The following CHRM5 variants were observed in gnomAD, a reference collection of about 807,000 sequenced individuals.
CHRM5 encodes the protein cholinergic receptor muscarinic 5, also known as muscarinic acetylcholine receptor M5.
Under a neutral mutation model 39.0 loss-of-function variants are expected in CHRM5, and 18 were observed. The observed-to-expected ratio is 0.46, with a 90% CI of 0.32 to 0.68. The LOEUF (loss-of-function observed/expected upper bound fraction) is 0.68. Among genes scored for constraint, CHRM5 ranks in the 30% least tolerant of loss-of-function variants. The pLI is 0.04. For missense variants in CHRM5, 515 were observed against 651.1 expected (o/e 0.79, Z 2.28); for synonymous variants, 241 against 246.3 (o/e 0.98, Z 0.20).
chr15:34,040,176 A>C (rs575187791), intron 1 of CHRM5, among the ~76,000 whole-genome samples: 13 of 152,316 alleles, frequency 8.5e-5, no homozygotes, highest in Admixed American at 2.0e-4. Flanking sequence ...AAAACAAAAA[A>C]AAAACCTTGC....
intron 1 of CHRM5, among the ~76,000 whole-genome samples, chr15:34,033,140 T>C (rs1016827776): frequency 2.0e-5 from 3 of 152,158 alleles, no homozygotes; most frequent in African/African-American, 7.2e-5. Context: ...CAATAAGTAA[T>C]GTTCATCCAC....
chr15:33,986,778 G>A (rs1353439891), intron 1 of CHRM5, among the ~76,000 whole-genome samples: 5 of 151,244 alleles, frequency 3.3e-5, no homozygotes, highest in Non-Finnish European at 4.4e-5. Context: ...TGTGTCAGCC[G>A]CCCGAGTAGC....
chr15:34,000,403 T>G lies in CHRM5; in HGVS notation c.-408+31253T>G, dbSNP rs141662076. On this transcript the variant is annotated intron_variant, in intron 1 of 2. Coordinates refer to ENST00000383263, the MANE Select transcript of CHRM5 (RefSeq NM_012125.4). ...CTACACTAGATACCATTCAATCAAC[T>G]GGTCACAATTTAAAAGTCCAACAGT... 4.9e-3 allele frequency among the ~76,000 whole-genome samples: 741 copies of G among 152,296 alleles called. 3 individuals are homozygous for G. Among genetic ancestry groups the G allele is most frequent in the African/African-American group, 0.016 (665 of 41,546 alleles).
chr15:33,981,138 G>A (rs1167799084), intron 1 of CHRM5, among the ~76,000 whole-genome samples: 3 of 152,118 alleles, frequency 2.0e-5, no homozygotes, highest in African/African-American at 4.8e-5. Context: ...ATTGTGGAGA[G>A]AAAATATCTG....
chr15:33,995,825 C>G (rs1896908015), intron 1 of CHRM5, among the ~76,000 whole-genome samples: 1 of 152,184 alleles, frequency 6.6e-6, no homozygotes, highest in South Asian at 2.1e-4. Context: ...CTCATTCGGA[C>G]TGGTTGGACA....
At chr15:34,019,703 C>A (rs1188589540) in intron 1 of CHRM5, among the ~76,000 whole-genome samples, 2 of 152,198 alleles carry the variant, frequency 1.3e-5, no homozygotes, top group South Asian at 2.1e-4. Flanking sequence ...TCTACAGTAT[C>A]CAGTACCGTA....
At chr15:34,007,266 A>C (rs1420496392) in intron 1 of CHRM5, among the ~76,000 whole-genome samples, 1 of 152,198 alleles carries the variant, frequency 6.6e-6, no homozygotes, top group East Asian at 1.9e-4. Context: ...TTTTGACCTC[A>C]CCTGCTCTGC....
At chr15:34,008,041 A>T (rs1285206206) in intron 1 of CHRM5, among the ~76,000 whole-genome samples, 7 of 152,110 alleles carry the variant, frequency 4.6e-5, no homozygotes, top group African/African-American at 1.4e-4. Flanking sequence ...ATAAGATCAC[A>T]CTCAGAGGTA....
intron 1 of CHRM5, among the ~76,000 whole-genome samples, chr15:34,005,919 A>G (rs1304470410): frequency 6.6e-6 from 1 of 152,220 alleles, no homozygotes; most frequent in Non-Finnish European, 1.5e-5. Context: ...TGAAAACTAG[A>G]GCATTCCTGC....
intron 1 of CHRM5, among the ~76,000 whole-genome samples, chr15:33,975,102 T>C (rs773734292): frequency 2.0e-5 from 3 of 152,238 alleles, no homozygotes; most frequent in African/African-American, 4.8e-5. Flanking sequence ...TCTGCCCTGG[T>C]TGGGTTGAGA....
At chr15:33,978,920 T>A (rs1896012878) in intron 1 of CHRM5, among the ~76,000 whole-genome samples, 1 of 89,874 alleles carries the variant, frequency 1.1e-5, no homozygotes, top group African/African-American at 2.7e-5. Flanking sequence ...AAGAGATGTA[T>A]GTCCATGCCA....
Position 33,980,448 on chromosome 15 carries a change from G to T in CHRM5, c.-408+11298G>T, listed in dbSNP as rs79175788. Among the ~76,000 whole-genome samples, 1,060 of 152,206 alleles carry T rather than the reference G, an allele frequency of 7.0e-3. 11 individuals are homozygous for T. The highest frequency in any genetic ancestry group is 0.027 in the South Asian group (128 of 4,820). The stretch of plus-strand genomic sequence containing the variant: ...CGTCCCACACATGAACTCTCCAAAC[G>T]TGCTGCCTCCCAGGCAACACGTCCT... On this transcript the variant is annotated intron_variant, in intron 1 of 2. Coordinates refer to ENST00000383263, the MANE Select transcript of CHRM5 (RefSeq NM_012125.4).
chr15:33,983,170 G>GTGTA (rs796742277), intron 1 of CHRM5, among the ~76,000 whole-genome samples: 5 of 126,606 alleles, frequency 3.9e-5, no homozygotes, highest in South Asian at 2.6e-4. Context: ...ATGTGTGTGT[G>GTGTA]TATATATACA....
At chr15:34,002,932 G>GAT in intron 1 of CHRM5, 1 of 1,100,040 alleles carries the variant, frequency 9.1e-7, no homozygotes, top group Non-Finnish European at 1.3e-6. Flanking sequence ...AAGAACAAAG[G>GAT]ATAAATTGCT....
At chr15:33,969,395 T>A (rs776958809) in intron 1 of CHRM5, among the ~76,000 whole-genome samples, 19 of 152,040 alleles carry the variant, frequency 1.2e-4, no homozygotes, top group Non-Finnish European at 2.4e-4. Context: ...TCTTTATTTT[T>A]ATCCCAATTT....
Position 34,065,364 on chromosome 15 carries a change from C to A in CHRM5, c.*1048C>A, listed in dbSNP as rs974818847. Reference sequence around the variant, plus strand: ...TTGCTTTTGAATTTCTTCCAGAGCCCTTTTGCAGCCTCCAATTTCCCTTGT... The same window carrying A: ...TTGCTTTTGAATTTCTTCCAGAGCCATTTTGCAGCCTCCAATTTCCCTTGT... On this transcript the variant is annotated 3_prime_UTR_variant, in exon 3 of 3. Transcript: ENST00000383263. 6 of 152,226 alleles carry A rather than the reference C, an allele frequency of 3.9e-5. No individual in the cohort carries two copies. The highest frequency in any genetic ancestry group is 1.4e-4 in the African/African-American group (6 of 41,462). 9.4% of individuals were successfully genotyped at this position (152,226 alleles called of 1,614,324 possible).
Position 34,007,151 on chromosome 15 carries a change from C to G in CHRM5, c.-408+38001C>G, listed in dbSNP as rs527839828. 3 of 592,970 alleles carry G rather than the reference C, an allele frequency of 5.1e-6. No individual in the cohort carries two copies. In the Admixed American group the frequency reaches 1.9e-4, roughly 38 times the overall value. 36.7% of individuals were successfully genotyped at this position (592,970 alleles called of 1,614,324 possible). A position where few individuals can be genotyped will look rare whatever the true frequency, so the allele number is the denominator to read the frequency against. Reference sequence around the variant, plus strand: ...AATCAAACTACTGCCGAGCTATTATCTTGTCCAATGACACACACACACAAA... The same window carrying G: ...AATCAAACTACTGCCGAGCTATTATGTTGTCCAATGACACACACACACAAA... On this transcript the variant is annotated intron_variant, in intron 1 of 2. Coordinates refer to ENST00000383263, the MANE Select transcript of CHRM5 (RefSeq NM_012125.4).
chr15:34,032,424 G>A (rs1426285595), intron 1 of CHRM5, among the ~76,000 whole-genome samples: 1 of 152,144 alleles, frequency 6.6e-6, no homozygotes, highest in Non-Finnish European at 1.5e-5. Flanking sequence ...TTATGAGCGA[G>A]CTATTTTCCA....
chr15:33,969,697 G>C (rs1346349862), intron 1 of CHRM5, among the ~76,000 whole-genome samples: 1 of 151,956 alleles, frequency 6.6e-6, no homozygotes, highest in Non-Finnish European at 1.5e-5. Flanking sequence ...TTGTAGGATA[G>C]GGCTAATTTA....
Sources: allele counts gnomAD v4.1 joint callset (sites outside exome capture counted in the v4.1 genomes callset), GRCh38; gene constraint gnomAD v4.1.1; transcripts MANE v1.5; gene names NCBI Gene and HGNC (gene_info 2026-07-23, HGNC 2026-07-21).